Variants in ADAMTS9 observed in about 807,000 individuals in gnomAD.
ADAMTS9 encodes the protein A disintegrin and metalloproteinase with thrombospondin motifs 9.
In ADAMTS9, 107 loss-of-function variants were observed where a neutral mutation model predicts 257.1. That is an observed-to-expected ratio of 0.42 (90% CI 0.36 to 0.49). The LOEUF is 0.49. ADAMTS9 is among the 20% of genes least tolerant of loss of function. The probability of loss-of-function intolerance (pLI) is 0.03; values close to 1 mark genes in which losing one functional copy is unlikely to be tolerated. For synonymous variants in ADAMTS9, 982 were observed against 880.9 expected (o/e 1.11, Z -2.03); for missense variants, 2,353 against 2,469.1 (o/e 0.95, Z 1.00).
Position 64,654,586 on chromosome 3 carries a change from T to A in ADAMTS9, c.1196A>T (p.Lys399Ile). The change falls in exon 7 of 40, where the codon AAA becomes ATA. Residue 399 changes from lysine to isoleucine, a missense_variant. Around this residue, in one of 3 missense-constraint regions of ADAMTS9, gnomAD observed 591 missense variants for 569.6 expected, o/e 1.04. Transcript: ENST00000498707. Reference sequence around the variant, plus strand: ...AGAGAACTCACCTAAGGTATCACATTTGTCGTGAGCTCTGCAGATATCCTG... The same window carrying A: ...AGAGAACTCACCTAAGGTATCACATATGTCGTGAGCTCTGCAGATATCCTG... ...TRQDICRAHD[K>I]CDTLGLAELG... 1 of 1,614,190 alleles carries A rather than the reference T, an allele frequency of 6.2e-7. No individual in the cohort carries two copies. Among genetic ancestry groups the A allele is most frequent in the Non-Finnish European group, 8.5e-7 (1 of 1,180,016 alleles).
chr3:64,551,431 G>C (rs1808944), intron 30 of ADAMTS9, among the ~76,000 whole-genome samples: 2 of 151,980 alleles, frequency 1.3e-5, no homozygotes, highest in African/African-American at 2.4e-5. Context: ...GGATGATCTC[G>C]ATCTCCTGAC....
chr3:64,532,341 A>G (rs779248840), intron 38 of ADAMTS9, among the ~76,000 whole-genome samples: 10 of 152,220 alleles, frequency 6.6e-5, no homozygotes, highest in African/African-American at 1.9e-4. Context: ...AGCCTATTTT[A>G]TAATAAAGTG....
intron 16 of ADAMTS9, among the ~76,000 whole-genome samples, chr3:64,623,035 G>A (rs568889451): frequency 3.9e-5 from 6 of 152,146 alleles, no homozygotes; most frequent in African/African-American, 7.2e-5. Context: ...TCTTTGTTAA[G>A]TCTTTTTTGT....
chr3:64,540,840 C>T (rs189304393), intron 36 of ADAMTS9, among the ~76,000 whole-genome samples: 97 of 152,132 alleles, frequency 6.4e-4, no homozygotes, highest in Middle Eastern at 3.4e-3. Flanking sequence ...CATCACAAAT[C>T]GGAGAGAGCA....
At chr3:64,571,242 T>C (rs959422983) in intron 28 of ADAMTS9, among the ~76,000 whole-genome samples, 5 of 152,222 alleles carry the variant, frequency 3.3e-5, no homozygotes, top group African/African-American at 9.6e-5. Flanking sequence ...ATATGCATCA[T>C]CTAATTTAAT....
Position 64,539,200 on chromosome 3 carries a change from T to C in ADAMTS9, c.5613+3A>G, listed in dbSNP as rs1327400647. On this transcript the variant is annotated splice_donor_region_variant and intron_variant, in intron 37 of 39. Coordinates refer to ENST00000498707, the MANE Select transcript of ADAMTS9 (RefSeq NM_182920.2). ...GGCAAGGGGGAAGGCACCAAGGACATACCTGTGGGCACTTGGCAGCGCTGT... is the reference window on the plus strand; with the variant it reads ...GGCAAGGGGGAAGGCACCAAGGACACACCTGTGGGCACTTGGCAGCGCTGT... 2 of 1,612,248 alleles carry C rather than the reference T, an allele frequency of 1.2e-6. No individual in the cohort carries two copies. The highest frequency in any genetic ancestry group is 1.3e-5 in the African/African-American group (1 of 75,018).
At chr3:64,660,830 G>A (rs771616438) in intron 3 of ADAMTS9, among the ~76,000 whole-genome samples, 2 of 152,184 alleles carry the variant, frequency 1.3e-5, no homozygotes, top group South Asian at 2.1e-4. Flanking sequence ...AAAAAAAAAC[G>A]TTGCATGCTG....
At chr3:64,521,603 G>A (rs1575973007) in intron 39 of ADAMTS9, 1 of 152,474 alleles carries the variant, frequency 6.6e-6, no homozygotes, top group East Asian at 1.9e-4. Flanking sequence ...GAAATACTAT[G>A]CAGCCATAAA....
chr3:64,577,555 G>A (rs766022076), intron 28 of ADAMTS9, among the ~76,000 whole-genome samples: 1 of 152,196 alleles, frequency 6.6e-6, no homozygotes, highest in Non-Finnish European at 1.5e-5. Flanking sequence ...TAAGTAATTG[G>A]TGGGAAAGCT....
chr3:64,532,490 G>T (rs1038767651), intron 38 of ADAMTS9, among the ~76,000 whole-genome samples: 6 of 152,104 alleles, frequency 3.9e-5, no homozygotes, highest in Non-Finnish European at 8.8e-5. Flanking sequence ...TGGAACCGTC[G>T]TAAGTCAGGG....
chr3:64,604,732 TC>T lies in ADAMTS9; in HGVS notation c.3475-402del, dbSNP rs140129685. 3.2e-3 allele frequency among the ~76,000 whole-genome samples: 494 copies of T among 152,342 alleles called. 12 individuals are homozygous for T. In the East Asian group the frequency reaches 0.045, roughly 14 times the overall value. The stretch of plus-strand genomic sequence containing the variant: ...TCTCACATTTCAATTAATTTCTTAA[TC>T]AGAATTTGCTAATCATGAACTTGCT... On this transcript the variant is annotated intron_variant, in intron 23 of 39. Transcript: ENST00000498707.
chr3:64,524,277 G>A (rs910655085), intron 38 of ADAMTS9, among the ~76,000 whole-genome samples: 13 of 152,146 alleles, frequency 8.5e-5, no homozygotes, highest in Non-Finnish European at 5.9e-5. Flanking sequence ...TCAATTGCAA[G>A]TGATTAATAT....
intron 12 of ADAMTS9, among the ~76,000 whole-genome samples, chr3:64,641,279 G>A: frequency 7.0e-6 from 1 of 142,998 alleles, no homozygotes; most frequent in South Asian, 2.2e-4. Flanking sequence ...TTTTTGTTTT[G>A]TTTTGTTTTG....
intron 19 of ADAMTS9, among the ~76,000 whole-genome samples, chr3:64,616,512 G>C (rs2084768477): frequency 6.9e-6 from 1 of 144,682 alleles, no homozygotes; most frequent in African/African-American, 2.5e-5. Flanking sequence ...GTAAATAAAG[G>C]CTCTTAAATT....
At chr3:64,621,349 T>A (rs1407179899) in intron 18 of ADAMTS9, 109 bp from the exon 19 acceptor site, 2 of 1,277,476 alleles carry the variant, frequency 1.6e-6, no homozygotes, top group Non-Finnish European at 2.2e-6. Context: ...AGTAAATATC[T>A]TCAGAGCGTA....
rs774424248 is a variant in ADAMTS9, at chr3:64,550,887, G to A, written c.4869+5C>T. 10 of 1,613,892 alleles carry A rather than the reference G, an allele frequency of 6.2e-6. No homozygotes were observed. In the African/African-American group the frequency reaches 6.7e-5, roughly 11 times the overall value. Reference sequence around the variant, plus strand: ...TGACGATGGTTACAGTTCCCAGGACGGTACCTCTGACCATTCTCCTGTGAT... The same window carrying A: ...TGACGATGGTTACAGTTCCCAGGACAGTACCTCTGACCATTCTCCTGTGAT... On this transcript the variant is annotated splice_donor_5th_base_variant and intron_variant, in intron 31 of 39. Transcript: ENST00000498707.
intron 3 of ADAMTS9, among the ~76,000 whole-genome samples, chr3:64,670,780 T>G (rs1701467667): frequency 1.3e-5 from 2 of 152,162 alleles, no homozygotes; most frequent in Admixed American, 1.3e-4. Flanking sequence ...CTCAATATCA[T>G]TAGACTTTAG....
intron 11 of ADAMTS9, among the ~76,000 whole-genome samples, chr3:64,643,907 G>A (rs1700723340): frequency 6.6e-6 from 1 of 152,008 alleles, no homozygotes; most frequent in Non-Finnish European, 1.5e-5. Context: ...ATTGGACACA[G>A]CAGGTCTAGA....
intron 37 of ADAMTS9, among the ~76,000 whole-genome samples, chr3:64,534,890 G>A (rs925440024): frequency 2.0e-5 from 3 of 152,086 alleles, no homozygotes; most frequent in Admixed American, 6.6e-5. Flanking sequence ...AAAGTGCTGA[G>A]GCTGATTGAA....
Sources: gnomAD v4.1 joint callset for allele counts (sites outside exome capture counted in the v4.1 genomes callset) on GRCh38, gnomAD v4.1.1 for gene constraint, gnomAD v4.1.1 regional missense constraint, MANE v1.5 for transcripts, NCBI Gene and HGNC (gene_info 2026-07-23, HGNC 2026-07-21) for gene names.